PMS2: variants seen among roughly 807,000 people sequenced by gnomAD.
PMS2 encodes PMS1 homolog 2, mismatch repair system component.
Under a neutral mutation model 90.0 loss-of-function variants are expected in PMS2, and 69 were observed. The ratio of observed to expected loss-of-function variants is 0.77; its 90% CI spans 0.63 to 0.94. The LOEUF is 0.94. PMS2 is among the 40% of genes least tolerant of loss of function. The probability of loss-of-function intolerance (pLI) is 0.00; values close to 1 mark genes in which losing one functional copy is unlikely to be tolerated. For synonymous variants in PMS2, 332 were observed against 375.1 expected (o/e 0.89, Z 1.33); for missense variants, 966 against 1,040.2 (o/e 0.93, Z 0.98).
At chr7:5,992,149 G>T in intron 8 of PMS2, 92 bp from the exon 9 acceptor site, 2 of 710,108 alleles carry the variant, frequency 2.8e-6, no homozygotes, top group African/African-American at 1.8e-5. Flanking sequence ...CAACCAGCAT[G>T]TTCTTAGAAG....
At chr7:5,982,525 CG>C (rs1562613684) in intron 12 of PMS2, among the ~76,000 whole-genome samples, 1 of 151,350 alleles carries the variant, frequency 6.6e-6, no homozygotes, top group Non-Finnish European at 1.5e-5. Flanking sequence ...TTAGTAGAGG[CG>C]GGGTTTCACC....
chr7:5,984,061 C>T lies in PMS2; in HGVS notation c.2007-1070G>A, dbSNP rs531548470. On this transcript the variant is annotated intron_variant, in intron 11 of 14. Coordinates refer to ENST00000265849, the MANE Select transcript of PMS2 (RefSeq NM_000535.7). ...TTTCAGTTGTTTCCAATTTCAATAGCGCACTCAAAGCTGCAACAAATACTT... is the reference window on the plus strand; with the variant it reads ...TTTCAGTTGTTTCCAATTTCAATAGTGCACTCAAAGCTGCAACAAATACTT... Among the ~76,000 whole-genome samples, 771 of 151,928 alleles carry T rather than the reference C, an allele frequency of 5.1e-3. 37 individuals are homozygous for T. Among genetic ancestry groups the T allele is most frequent in the African/African-American group, 0.017 (719 of 41,222 alleles).
At position 6,003,169 on chromosome 7, in the gene PMS2, C is replaced by T. The variant is rs764912605; in HGVS notation, c.353+521G>A. ...ATTAGCCAGGAGTGGTGGTGCATGC[C>T]TATAGTACCAGCTCCTCAGGAGGCT... is the stretch of plus-strand genomic sequence containing the variant. On this transcript the variant is annotated intron_variant, in intron 4 of 14. Coordinates refer to ENST00000265849, the MANE Select transcript of PMS2 (RefSeq NM_000535.7). The T allele has an allele frequency of 1.0e-3, 165 of 160,168 alleles. 6 individuals are homozygous for T. Among genetic ancestry groups the T allele is most frequent in the Non-Finnish European group, 3.0e-4 (22 of 73,334 alleles). 9.9% of individuals were successfully genotyped at this position (160,168 alleles called of 1,614,324 possible). A position where few individuals can be genotyped will look rare whatever the true frequency, so the allele number is the denominator to read the frequency against.
At chr7:6,000,070 G>A (rs1398405359) in intron 5 of PMS2, among the ~76,000 whole-genome samples, 1 of 151,878 alleles carries the variant, frequency 6.6e-6, no homozygotes, top group African/African-American at 2.4e-5. Flanking sequence ...ATCACAATAT[G>A]CTAAGTAAAA....
At chr7:5,999,065 C>A (rs1784776859) in intron 6 of PMS2, 43 bp downstream of exon 6, 1 of 1,562,366 alleles carries the variant, frequency 6.4e-7, no homozygotes, top group East Asian at 2.2e-5. Flanking sequence ...CCGCTATAAT[C>A]ACTAGAGCAA....
intron 5 of PMS2, 113 bp from the exon 6 acceptor site, chr7:5,999,388 G>C: frequency 2.1e-6 from 2 of 930,946 alleles, no homozygotes; most frequent in South Asian, 2.7e-5. Context: ...CAAATCAAGG[G>C]AAGCACTGTT....
chr7:6,003,743 C>T lies in PMS2; in HGVS notation c.300G>A (p.Gln100=), dbSNP rs1064794102. 6.2e-7 allele frequency: 1 copy of T among 1,602,784 alleles called. No individual in the cohort carries two copies. ...CCCCCCGAAAGCCAAAAGTTTCAAC[C>T]TGAGTTAGGTCGGCAAACTCTTGAA... ...SKIQEFADLT[Q]VETFGFRGEA... The change falls in exon 4 of 15, where the codon CAG becomes CAA. Residue 100 remains glutamine, a synonymous_variant. Coordinates refer to ENST00000265849, the MANE Select transcript of PMS2 (RefSeq NM_000535.7).
rs554049678 is a variant in PMS2, at chr7:5,987,831, G to A, written c.1145-211C>T. Among the ~76,000 whole-genome samples, 5 of 152,066 alleles carry A rather than the reference G, an allele frequency of 3.3e-5. No individual in the cohort carries two copies. The East Asian group carries it at 7.7e-4, about 24-fold the overall frequency. On this transcript the variant is annotated intron_variant, in intron 10 of 14. Coordinates refer to ENST00000265849, the MANE Select transcript of PMS2 (RefSeq NM_000535.7). ...GCACTTTAGGAGGCCAAGGCAGGGGGATCACATGAGGCTAGGAGTTCAGGA... is the reference window on the plus strand; with the variant it reads ...GCACTTTAGGAGGCCAAGGCAGGGGAATCACATGAGGCTAGGAGTTCAGGA...
intron 12 of PMS2, among the ~76,000 whole-genome samples, chr7:5,979,964 A>C (rs1782149140): frequency 1.9e-5 from 1 of 52,282 alleles, no homozygotes; most frequent in Admixed American, 2.5e-4. Context: ...GAGAAACGAC[A>C]GGAAGGTCAG....
At chr7:6,002,279 G>A (rs1304927122) in intron 5 of PMS2, 174 bp downstream of exon 5, 3 of 605,494 alleles carry the variant, frequency 5.0e-6, no homozygotes, top group Admixed American at 2.9e-5. Flanking sequence ...AAAGAAAAAA[G>A]TAAATCATCC....
chr7:5,988,282 A>C (rs570483669), intron 10 of PMS2, among the ~76,000 whole-genome samples: 1 of 152,122 alleles, frequency 6.6e-6, no homozygotes, highest in African/African-American at 2.4e-5. Context: ...AGCTACTCCT[A>C]TCAGAAGTGC....
intron 11 of PMS2, among the ~76,000 whole-genome samples, chr7:5,985,557 CTT>C (rs898216216): frequency 1.2e-4 from 14 of 115,752 alleles, no homozygotes; most frequent in Non-Finnish European, 1.6e-4. Flanking sequence ...TTTTCTTTTT[CTT>C]TTTTTTTTTT....
intron 1 of PMS2, among the ~76,000 whole-genome samples, chr7:6,008,304 TG>T (rs2128861051): frequency 6.6e-6 from 1 of 152,322 alleles, no homozygotes; most frequent in East Asian, 1.9e-4. Flanking sequence ...AAATCTGACA[TG>T]GAATGCAAAT....
At chr7:6,000,914 C>G (rs1305700810) in intron 5 of PMS2, among the ~76,000 whole-genome samples, 2 of 152,038 alleles carry the variant, frequency 1.3e-5, no homozygotes, top group Non-Finnish European at 2.9e-5. Context: ...TCACTTGAAC[C>G]CAGGAGGTGG....
chr7:5,995,902 T>C (rs1351872493), intron 7 of PMS2, among the ~76,000 whole-genome samples: 1 of 152,170 alleles, frequency 6.6e-6, no homozygotes, highest in African/African-American at 2.4e-5. Flanking sequence ...GCAGCTCTCC[T>C]TACCCTTCCT....
At position 5,997,410 on chromosome 7, in the gene PMS2, A is replaced by G. The variant is rs2128788478; in HGVS notation, c.719T>C (p.Ile240Thr). ...ACTAGGGGGCAGCTGAACAAAAGGA[A>G]TGAGGCTTTGCAACTGAAAAAAAAA... Reference protein sequence around the residue: ...VFGQKQLQSLIPFVQLPPSDS... With the variant: ...VFGQKQLQSLTPFVQLPPSDS... Residue 240 changes from isoleucine (I) to threonine (T), a missense_variant, in exon 7 of 15, where the codon ATT becomes ACT. By Grantham distance (89) the Ile-to-Thr change is moderately conservative (BLOSUM62 -1). Transcript: ENST00000265849. 6.3e-7 allele frequency: 1 copy of G among 1,577,070 alleles called. No homozygotes were observed. The highest frequency in any genetic ancestry group is 8.7e-7 in the Non-Finnish European group (1 of 1,152,410).
intron 1 of PMS2, among the ~76,000 whole-genome samples, chr7:6,006,496 A>G (rs1413963172): frequency 6.6e-6 from 1 of 152,130 alleles, no homozygotes; most frequent in Non-Finnish European, 1.5e-5. Flanking sequence ...TACTAAAAAT[A>G]CAAAAAATTA....
At chr7:5,989,779 T>C (rs768139761) in intron 10 of PMS2, 21 bp downstream of exon 10, 1 of 1,599,704 alleles carries the variant, frequency 6.3e-7, no homozygotes, top group Non-Finnish European at 8.6e-7. Flanking sequence ...AGAAGCTGTT[T>C]GTACACTGTA....
At position 6,003,683 on chromosome 7, in the gene PMS2, G is replaced by C. The variant is rs1057520512; in HGVS notation, c.353+7C>G. The C allele has an allele frequency of 6.7e-7, 1 of 1,483,796 alleles. No homozygotes were observed. Among genetic ancestry groups the C allele is most frequent in the Non-Finnish European group, 9.3e-7 (1 of 1,076,366 alleles). 91.9% of individuals were successfully genotyped at this position (1,483,796 alleles called of 1,614,324 possible). A position where few individuals can be genotyped will look rare whatever the true frequency, so the allele number is the denominator to read the frequency against. ...GGTCAAGTGAGTGGATAAAAATATT[G>C]TATCACCTCAGTGCACAAAGTGAGC... On this transcript the variant is annotated splice_region_variant and intron_variant, in intron 4 of 14. Coordinates refer to ENST00000265849, the MANE Select transcript of PMS2 (RefSeq NM_000535.7).
Sources: allele counts gnomAD v4.1 joint callset (sites outside exome capture counted in the v4.1 genomes callset), GRCh38; gene constraint gnomAD v4.1.1; transcripts MANE v1.5; gene names NCBI Gene and HGNC (gene_info 2026-07-23, HGNC 2026-07-21).